The following INSR variants were observed in gnomAD, a reference collection of about 807,000 sequenced individuals.
The protein encoded by INSR is IR.
Under a neutral mutation model 142.6 loss-of-function variants are expected in INSR, and 67 were observed. The observed-to-expected ratio is 0.47, with a 90% CI of 0.39 to 0.58. The LOEUF (loss-of-function observed/expected upper bound fraction) is 0.58. Among genes scored for constraint, INSR ranks in the 20% least tolerant of loss-of-function variants. The pLI, the probability that INSR is intolerant of heterozygous loss-of-function variation, is 0.00. For missense variants in INSR, 1,248 were observed against 1,833.2 expected, an observed-to-expected ratio of 0.68 and a Z score of 5.83; for synonymous variants, 756 against 743.1, an observed-to-expected ratio of 1.02 and a Z score of -0.28.
chr19:7,278,423 G>A (rs1425467962), intron 1 of INSR, among the ~76,000 whole-genome samples: 2 of 152,164 alleles, frequency 1.3e-5, no homozygotes, highest in African/African-American at 2.4e-5. Flanking sequence ...TTCCTCCTTG[G>A]GAGAGAAAGG....
At chr19:7,238,612 C>T (rs1407739527) in intron 2 of INSR, among the ~76,000 whole-genome samples, 1 of 90,664 alleles carries the variant, frequency 1.1e-5, no homozygotes, top group Non-Finnish European at 2.2e-5. Context: ...CAGAGTGCTC[C>T]ATCTCAAAAA....
rs1568429334 is a variant in INSR at position 7,124,540 on chromosome 19, GGAAAAAAAAAAAAAAAAAAAAAAAA to G, written c.3258+718_3258+742del. ...CACAACAAAGCGAGACTCCGTTTCA[GGAAAAAAAAAAAAAAAAAAAAAAAA>G]AAAAAAAAAAAAAAAAAAAAAAAAT... On this transcript the variant is annotated intron_variant, in intron 17 of 21. Transcript: ENST00000302850. 2.1e-3 allele frequency among the ~76,000 whole-genome samples: 23 copies of G among 10,806 alleles called. 2 individuals are homozygous for G. Among genetic ancestry groups the G allele is most frequent in the East Asian group, 4.6e-3 (1 of 216 alleles). The allele number at this position is 10,806 out of a possible 152,430, so 7.1% of individuals were successfully genotyped here.
intron 11 of INSR, among the ~76,000 whole-genome samples, chr19:7,146,976 C>T (rs187751565): frequency 9.5e-4 from 145 of 152,218 alleles, no homozygotes; most frequent in Admixed American, 2.0e-3. Flanking sequence ...CTTCCTAACA[C>T]ATTTATAGTT....
At chr19:7,226,413 GAAAAAAAAA>G (rs71177176) in intron 2 of INSR, among the ~76,000 whole-genome samples, 2 of 89,644 alleles carry the variant, frequency 2.2e-5, no homozygotes, top group African/African-American at 4.5e-5. Flanking sequence ...CGTCTCAAGG[GAAAAAAAAA>G]AAAAAAAAAA....
intron 3 of INSR, among the ~76,000 whole-genome samples, chr19:7,179,836 C>A (rs1974228554): frequency 6.6e-6 from 1 of 152,160 alleles, no homozygotes; most frequent in East Asian, 1.9e-4. Context: ...ACCATGAGTT[C>A]TTTGCAGCCT....
At chr19:7,229,672 A>G (rs4804425) in intron 2 of INSR, among the ~76,000 whole-genome samples, 63,064 of 151,620 alleles carry the variant, frequency 0.42, 13,378 homozygotes, top group African/African-American at 0.5. Context: ...ACTTAGCTAC[A>G]GTTTTTAAAC....
chr19:7,213,453 T>TC (rs1340210134), intron 2 of INSR, among the ~76,000 whole-genome samples: 2 of 151,836 alleles, frequency 1.3e-5, no homozygotes, highest in South Asian at 2.1e-4. Flanking sequence ...TTTGCTTCTC[T>TC]CCCCCAAGGA....
chr19:7,117,810 T>C (rs919104628), intron 21 of INSR, among the ~76,000 whole-genome samples: 2 of 152,038 alleles, frequency 1.3e-5, no homozygotes, highest in Non-Finnish European at 2.9e-5. Flanking sequence ...TTTTGCTATG[T>C]TGCCCAGGCT....
chr19:7,141,935 C>T (rs908718322), intron 12 of INSR, 119 bp from the exon 13 acceptor site: 92 of 779,430 alleles, frequency 1.2e-4, no homozygotes, highest in Non-Finnish European at 2.0e-4. Context: ...CCATTTTCCT[C>T]GTCAGAGAAC....
intron 2 of INSR, among the ~76,000 whole-genome samples, chr19:7,260,558 A>C (rs1369090179): frequency 1.1e-4 from 17 of 152,098 alleles, no homozygotes. Context: ...CGCAAGATAC[A>C]TGTTCCTCTG....
At chr19:7,129,289 C>G (rs1972721544) in intron 14 of INSR, among the ~76,000 whole-genome samples, 1 of 152,046 alleles carries the variant, frequency 6.6e-6, no homozygotes, top group African/African-American at 2.4e-5. Context: ...CTGCTGTTGC[C>G]CCTCTGAAAT....
intron 2 of INSR, among the ~76,000 whole-genome samples, chr19:7,191,910 G>A (rs576745432): frequency 2.2e-5 from 3 of 138,676 alleles, no homozygotes; most frequent in Non-Finnish European, 4.7e-5. Context: ...AAAAGAAAGA[G>A]AAAGACAGAA....
chr19:7,131,687 C>CTT (rs371571877), intron 14 of INSR, among the ~76,000 whole-genome samples: 16,772 of 121,914 alleles, frequency 0.14, 1,586 homozygotes, highest in African/African-American at 0.25. Context: ...ACCTCTGAAA[C>CTT]TTTTTTTTTT....
intron 10 of INSR, chr19:7,152,524 T>C: frequency 1.6e-6 from 1 of 644,964 alleles, no homozygotes; most frequent in Non-Finnish European, 2.8e-6. Context: ...TTTGTGCGAT[T>C]ATTTGCTCTT....
chr19:7,127,745 T>G (rs1972679817), intron 15 of INSR, among the ~76,000 whole-genome samples: 1 of 132,804 alleles, frequency 7.5e-6, no homozygotes, highest in African/African-American at 2.6e-5. Context: ...AATATTTTTT[T>G]GTTTTGTTTT....
intron 11 of INSR, 81 bp from the exon 12 acceptor site, chr19:7,143,171 T>C (rs1200530967): frequency 6.7e-7 from 1 of 1,499,452 alleles, no homozygotes; most frequent in Non-Finnish European, 9.3e-7. Context: ...ATAAAAGGCT[T>C]GATTAAGAAG....
At chr19:7,140,080 T>A (rs1973031832) in intron 13 of INSR, among the ~76,000 whole-genome samples, 1 of 152,124 alleles carries the variant, frequency 6.6e-6, no homozygotes, top group Non-Finnish European at 1.5e-5. Context: ...TGCACATTCT[T>A]TACAATGCTC....
At chr19:7,197,342 G>A (rs540046999) in intron 2 of INSR, among the ~76,000 whole-genome samples, 1 of 140,282 alleles carries the variant, frequency 7.1e-6, no homozygotes, top group Non-Finnish European at 1.6e-5. Context: ...GTGAGTAAGC[G>A]AGTGAGTGAG....
intron 9 of INSR, among the ~76,000 whole-genome samples, chr19:7,153,358 C>CACAACCACA: frequency 1.1e-5 from 1 of 94,334 alleles, no homozygotes; most frequent in African/African-American, 6.2e-5. Flanking sequence ...AGACCACACA[C>CACAACCACA]CACACACCCC....
Sources: gnomAD v4.1 joint callset for allele counts (sites outside exome capture counted in the v4.1 genomes callset) on GRCh38, gnomAD v4.1.1 for gene constraint, MANE v1.5 for transcripts, NCBI Gene and HGNC (gene_info 2026-07-23, HGNC 2026-07-21) for gene names.